EHMT1: variants seen among roughly 807,000 people sequenced by gnomAD.
EHMT1 encodes the protein euchromatic histone lysine methyltransferase 1.
In EHMT1, 15 loss-of-function variants were observed where a neutral mutation model predicts 147.2. The ratio of observed to expected loss-of-function variants is 0.10; its 90% CI spans 0.07 to 0.16. The LOEUF (loss-of-function observed/expected upper bound fraction) is 0.16, where lower values mean the gene tolerates loss of function less well. Among genes scored for constraint, EHMT1 ranks in the 10% least tolerant of loss-of-function variants. The probability of loss-of-function intolerance (pLI) is 1.00; values close to 1 mark genes in which losing one functional copy is unlikely to be tolerated. For missense variants in EHMT1, 1,587 were observed against 1,772.4 expected, an observed-to-expected ratio of 0.90 and a Z score of 1.88; for synonymous variants, 795 against 709.6, an observed-to-expected ratio of 1.12 and a Z score of -1.91.
At chr9:137,712,016 G>A (rs1175781969) in intron 2 of EHMT1, among the ~76,000 whole-genome samples, 2 of 152,212 alleles carry the variant, frequency 1.3e-5, no homozygotes, top group Non-Finnish European at 2.9e-5. Context: ...TGTGCACTGT[G>A]GTGACCGCTG....
At chr9:137,674,425 C>T (rs937688439) in intron 1 of EHMT1, among the ~76,000 whole-genome samples, 1 of 152,240 alleles carries the variant, frequency 6.6e-6, no homozygotes, top group African/African-American at 2.4e-5. Flanking sequence ...GGCTCTCCCA[C>T]ACTCTGCAGG....
intron 3 of EHMT1, among the ~76,000 whole-genome samples, chr9:137,725,659 C>G (rs1946550601): frequency 1.3e-5 from 2 of 152,074 alleles, no homozygotes; most frequent in African/African-American, 4.8e-5. Flanking sequence ...TTAGTGTGGG[C>G]TCACTGAGAA....
chr9:137,795,402 C>CACACACACACACACACAT (rs1952826645), intron 16 of EHMT1, among the ~76,000 whole-genome samples: 1 of 1,530 alleles, frequency 6.5e-4, no homozygotes, highest in Non-Finnish European at 0.016. Flanking sequence ...TCGCAGGGTG[C>CACACACACACACACACAT]ACACACACAC....
At chr9:137,627,250 G>T (rs1212312347) in intron 1 of EHMT1, among the ~76,000 whole-genome samples, 2 of 147,756 alleles carry the variant, frequency 1.4e-5, no homozygotes, top group Non-Finnish European at 3.0e-5. Flanking sequence ...GAACCACCAT[G>T]CCTGGCCATT....
At chr9:137,651,323 CTT>C (rs1459218461) in intron 1 of EHMT1, among the ~76,000 whole-genome samples, 2 of 152,134 alleles carry the variant, frequency 1.3e-5, no homozygotes, top group Non-Finnish European at 2.9e-5. Context: ...TTTAGAAACA[CTT>C]TTGAAATTCA....
intron 3 of EHMT1, among the ~76,000 whole-genome samples, chr9:137,717,714 C>T (rs1945487737): frequency 6.6e-6 from 1 of 152,060 alleles, no homozygotes; most frequent in Non-Finnish European, 1.5e-5. Flanking sequence ...TCTCTTCTCA[C>T]AGGATTCTGT....
intron 25 of EHMT1, among the ~76,000 whole-genome samples, chr9:137,833,265 C>T (rs1047496135): frequency 2.0e-5 from 3 of 152,250 alleles, no homozygotes; most frequent in African/African-American, 7.2e-5. Flanking sequence ...CCCCAGGTGC[C>T]TCCTTCCCCG....
chr9:137,811,580 C>T lies in EHMT1; in HGVS notation c.2832C>T (p.His944=). 6.2e-7 allele frequency: 1 copy of T among 1,605,474 alleles called. No individual in the cohort carries two copies. The highest frequency in any genetic ancestry group is 8.5e-7 in the Non-Finnish European group (1 of 1,179,970). ...AVNIHGDSPL[H]IAARENRYDC... ...ACATCCACGGAGACTCGCCACTGCA[C>T]ATTGCCGCCCGGGAGAACCGCTACG... Residue 944 remains histidine (H), a synonymous_variant, in exon 19 of 27, where the codon CAC becomes CAT. Coordinates refer to ENST00000460843, the MANE Select transcript of EHMT1 (RefSeq NM_024757.5).
intron 4 of EHMT1, among the ~76,000 whole-genome samples, chr9:137,734,723 A>T (rs1947388242): frequency 6.6e-6 from 1 of 152,244 alleles, no homozygotes; most frequent in Non-Finnish European, 1.5e-5. Context: ...GACTCATCAC[A>T]TACACGTTTC....
At chr9:137,718,984 C>T (rs1243162635) in intron 3 of EHMT1, among the ~76,000 whole-genome samples, 2 of 151,988 alleles carry the variant, frequency 1.3e-5, no homozygotes, top group Non-Finnish European at 2.9e-5. Flanking sequence ...TTGAACTGAC[C>T]TCAGGTGATC....
chr9:137,644,361 G>T (rs1437733952), intron 1 of EHMT1, among the ~76,000 whole-genome samples: 2 of 151,214 alleles, frequency 1.3e-5, no homozygotes, highest in African/African-American at 4.9e-5. Context: ...GTCTCATTTG[G>T]TTGCCCAGGC....
chr9:137,760,780 T>C (rs4979635), intron 9 of EHMT1, among the ~76,000 whole-genome samples: 50,184 of 151,972 alleles, frequency 0.33, 8,569 homozygotes, highest in Admixed American at 0.43. Context: ...GAGGCCGAGG[T>C]GGGCAGATCA....
chr9:137,656,341 T>C (rs751087488), intron 1 of EHMT1, among the ~76,000 whole-genome samples: 3 of 152,020 alleles, frequency 2.0e-5, no homozygotes, highest in African/African-American at 4.8e-5. Context: ...GTTGGCACCA[T>C]TGCACTCCAG....
At chr9:137,641,573 T>A in intron 1 of EHMT1, 2 of 296,394 alleles carry the variant, frequency 6.7e-6, no homozygotes, top group South Asian at 5.9e-5. Flanking sequence ...CGAATTTGTC[T>A]ATGTTCGCTC....
intron 4 of EHMT1, among the ~76,000 whole-genome samples, chr9:137,729,238 C>T (rs1946888003): frequency 6.6e-6 from 1 of 152,186 alleles, no homozygotes; most frequent in Non-Finnish European, 1.5e-5. Flanking sequence ...GCTGGCAAGG[C>T]TTCACTTGGG....
At chr9:137,817,957 G>C (rs1452771742) in intron 24 of EHMT1, 103 bp from the exon 25 acceptor site, 2 of 1,092,268 alleles carry the variant, frequency 1.8e-6, no homozygotes, top group African/African-American at 3.1e-5. Context: ...TGTTCTTCTG[G>C]TGTGCCCTGC....
At chr9:137,664,484 T>C (rs1235439003) in intron 1 of EHMT1, among the ~76,000 whole-genome samples, 1 of 152,048 alleles carries the variant, frequency 6.6e-6, no homozygotes, top group Admixed American at 6.6e-5. Flanking sequence ...GGTCTCGAAC[T>C]CTGGAGCTCA....
chr9:137,670,508 G>A (rs1033759943), intron 1 of EHMT1, among the ~76,000 whole-genome samples: 1 of 152,016 alleles, frequency 6.6e-6, no homozygotes, highest in Admixed American at 6.6e-5. Context: ...TGCGAGCTCC[G>A]TTTCCTGCTC....
intron 19 of EHMT1, among the ~76,000 whole-genome samples, chr9:137,812,722 A>G (rs1181054351): frequency 6.6e-6 from 1 of 152,232 alleles, no homozygotes; most frequent in Non-Finnish European, 1.5e-5. Flanking sequence ...TGAATGAAAA[A>G]TCCAAGAAAA....
Sources: allele counts gnomAD v4.1 joint callset (sites outside exome capture counted in the v4.1 genomes callset), GRCh38; gene constraint gnomAD v4.1.1; transcripts MANE v1.5; gene names NCBI Gene and HGNC (gene_info 2026-07-23, HGNC 2026-07-21).